The following DPP10 variants were observed in gnomAD, a reference collection of about 807,000 sequenced individuals.
DPP10 encodes the protein inactive dipeptidyl peptidase 10.
In DPP10, 33 loss-of-function variants were observed where a neutral mutation model predicts 120.9. That is an observed-to-expected ratio of 0.27 (90% CI 0.21 to 0.37). The LOEUF (loss-of-function observed/expected upper bound fraction) is 0.37. DPP10 is among the 10% of genes least tolerant of loss of function. The pLI is 1.00. For missense variants in DPP10, 816 were observed against 942.8 expected, an observed-to-expected ratio of 0.87 and a Z score of 1.76; for synonymous variants, 337 against 326.1, an observed-to-expected ratio of 1.03 and a Z score of -0.36.
chr2:115,604,804 C>T (rs189659723), intron 5 of DPP10, among the ~76,000 whole-genome samples: 1 of 152,152 alleles, frequency 6.6e-6, no homozygotes, highest in African/African-American at 2.4e-5. Context: ...CTCCTTCTTA[C>T]CATACTGCAA....
chr2:115,668,574 A>G (rs1224234653), intron 5 of DPP10, among the ~76,000 whole-genome samples: 1 of 152,048 alleles, frequency 6.6e-6, no homozygotes, highest in Non-Finnish European at 1.5e-5. Flanking sequence ...TAAGACACTG[A>G]GTTTCTGGTT....
chr2:115,782,238 T>C, intron 16 of DPP10, 114 bp from the exon 17 acceptor site: 2 of 806,780 alleles, frequency 2.5e-6, no homozygotes, highest in Non-Finnish European at 4.0e-6. Context: ...TGTTTTGTTA[T>C]GTTTTAACCA....
chr2:115,640,741 T>G (rs1256498882), intron 5 of DPP10, among the ~76,000 whole-genome samples: 1 of 152,142 alleles, frequency 6.6e-6, no homozygotes, highest in Admixed American at 6.6e-5. Context: ...TTTACGAGAT[T>G]ATTGAATACC....
At chr2:114,949,839 G>A (rs1269640124) in intron 1 of DPP10, among the ~76,000 whole-genome samples, 2 of 152,136 alleles carry the variant, frequency 1.3e-5, no homozygotes, top group Non-Finnish European at 2.9e-5. Flanking sequence ...AGCTGCTAGA[G>A]CTCTTTCTGC....
intron 5 of DPP10, among the ~76,000 whole-genome samples, chr2:115,552,928 C>A (rs191487404): frequency 1.3e-5 from 2 of 152,130 alleles, no homozygotes; most frequent in East Asian, 3.9e-4. Context: ...AAAAGTTACA[C>A]TTTAAATTCC....
Position 114,464,820 on chromosome 2 carries a change from G to A in DPP10, c.60+21982G>A, listed in dbSNP as rs758366894. Among the ~76,000 whole-genome samples, 6 of 152,112 alleles carry A rather than the reference G, an allele frequency of 3.9e-5. 1 individual carries two copies. Among genetic ancestry groups the A allele is most frequent in the South Asian group, 4.1e-4 (2 of 4,826 alleles). On this transcript the variant is annotated intron_variant, in intron 1 of 25. Coordinates refer to ENST00000410059, the MANE Select transcript of DPP10 (RefSeq NM_020868.6). Reference sequence around the variant, plus strand: ...GCAGAGATTGACGTGAGCCGAGATCGTGCCACTGCACTCCACCCTGGATGA... The same window carrying A: ...GCAGAGATTGACGTGAGCCGAGATCATGCCACTGCACTCCACCCTGGATGA...
At chr2:115,316,717 T>A (rs2061811974) in intron 2 of DPP10, among the ~76,000 whole-genome samples, 1 of 152,188 alleles carries the variant, frequency 6.6e-6, no homozygotes, top group South Asian at 2.1e-4. Flanking sequence ...ATATTTTATT[T>A]CTTCTTCCTA....
chr2:114,840,261 A>T lies in DPP10; in HGVS notation c.60+397423A>T, dbSNP rs149981541. On this transcript the variant is annotated intron_variant, in intron 1 of 25. Coordinates refer to ENST00000410059, the MANE Select transcript of DPP10 (RefSeq NM_020868.6). The stretch of plus-strand genomic sequence containing the variant: ...TTTTGTTTTATGTTTTTGAAAACTA[A>T]TGAGAACAATGTTTGAAAGGAAGAA... Among the ~76,000 whole-genome samples the T allele has an allele frequency of 1.6e-3, 245 of 152,308 alleles. 2 individuals carry two copies. The highest frequency in any genetic ancestry group is 5.7e-3 in the African/African-American group (235 of 41,576).
At chr2:115,804,257 C>T (rs1419860982) in intron 19 of DPP10, among the ~76,000 whole-genome samples, 2 of 152,192 alleles carry the variant, frequency 1.3e-5, no homozygotes, top group Admixed American at 6.5e-5. Context: ...TCACGTAGTT[C>T]TCGTGCCTTG....
In DPP10 at chr2:115,843,779, G is replaced by A. The variant is rs1690380824; in HGVS notation, c.*1434G>A. On this transcript the variant is annotated 3_prime_UTR_variant, in exon 26 of 26. Transcript: ENST00000410059. ...CTCACTTCACTTAAGGGATCTTCCA[G>A]AAGATATCTAAAAGTCTGTAATAAG... 1 of 152,370 alleles carries A rather than the reference G, an allele frequency of 6.6e-6. No individual in the cohort carries two copies. 9.4% of individuals were successfully genotyped at this position (152,370 alleles called of 1,614,324 possible). A position where few individuals can be genotyped will look rare whatever the true frequency, so the allele number is the denominator to read the frequency against.
At chr2:114,650,338 C>T (rs1346254606) in intron 1 of DPP10, among the ~76,000 whole-genome samples, 8 of 152,142 alleles carry the variant, frequency 5.3e-5, no homozygotes, top group Admixed American at 2.6e-4. Context: ...CCTGAAGCAT[C>T]CAAACCCAGC....
At chr2:115,787,882 A>G (rs529994852) in intron 17 of DPP10, among the ~76,000 whole-genome samples, 2 of 152,320 alleles carry the variant, frequency 1.3e-5, no homozygotes, top group Middle Eastern at 3.4e-3. Flanking sequence ...GACTACAGAC[A>G]TCTCATCAGA....
At chr2:114,908,579 T>G (rs1694144794) in intron 1 of DPP10, among the ~76,000 whole-genome samples, 1 of 151,894 alleles carries the variant, frequency 6.6e-6, no homozygotes, top group African/African-American at 2.4e-5. Flanking sequence ...CTATTCCTTC[T>G]TTCTTCTTTT....
chr2:114,681,902 T>C (rs1391033752), intron 1 of DPP10, among the ~76,000 whole-genome samples: 1 of 152,024 alleles, frequency 6.6e-6, no homozygotes, highest in Non-Finnish European at 1.5e-5. Flanking sequence ...TAAATGGTGC[T>C]ACAATGCTTA....
chr2:115,840,328 T>G (rs539241641), intron 24 of DPP10, among the ~76,000 whole-genome samples: 1,789 of 119,578 alleles, frequency 0.015, 124 homozygotes, highest in African/African-American at 0.051. Flanking sequence ...GGTTTTTTTT[T>G]TTTTTTTTTT....
At chr2:115,086,953 T>C (rs922064831) in intron 1 of DPP10, among the ~76,000 whole-genome samples, 6 of 152,178 alleles carry the variant, frequency 3.9e-5, no homozygotes, top group Middle Eastern at 3.2e-3. Flanking sequence ...CGTCAACATA[T>C]ACTATAATAT....
At chr2:115,352,385 A>G (rs1168219093) in intron 3 of DPP10, among the ~76,000 whole-genome samples, 1 of 152,184 alleles carries the variant, frequency 6.6e-6, no homozygotes, top group Admixed American at 6.5e-5. Flanking sequence ...ATCTGTTTAC[A>G]TTTGAAAAGT....
chr2:115,538,455 TATC>T (rs1315682692), intron 5 of DPP10, among the ~76,000 whole-genome samples: 7 of 152,016 alleles, frequency 4.6e-5, no homozygotes, highest in African/African-American at 1.7e-4. Context: ...AAAGTATACT[TATC>T]ATAGTTTTGA....
intron 3 of DPP10, among the ~76,000 whole-genome samples, chr2:115,387,495 G>A (rs568545204): frequency 5.3e-5 from 8 of 152,072 alleles, no homozygotes; most frequent in Non-Finnish European, 1.2e-4. Context: ...GATTTCCTTT[G>A]AACTCTGTTT....
Sources: gnomAD v4.1 joint callset for allele counts (sites outside exome capture counted in the v4.1 genomes callset) on GRCh38, gnomAD v4.1.1 for gene constraint, MANE v1.5 for transcripts, NCBI Gene and HGNC (gene_info 2026-07-23, HGNC 2026-07-21) for gene names.